The following MMP16 variants were observed in gnomAD, a reference collection of about 807,000 sequenced individuals.
MMP16 encodes matrix metallopeptidase 16, also known as matrix metalloproteinase-16.
Under a neutral mutation model 67.8 loss-of-function variants are expected in MMP16, and 12 were observed. The ratio of observed to expected loss-of-function variants is 0.18; its 90% CI spans 0.11 to 0.29. The LOEUF is 0.29. Ranked by LOEUF, MMP16 falls within the 10% of genes least tolerant of loss-of-function variation. The probability of loss-of-function intolerance (pLI) is 1.00; values close to 1 mark genes in which losing one functional copy is unlikely to be tolerated. For missense variants in MMP16, 475 were observed against 765.7 expected (o/e 0.62, Z 4.48); for synonymous variants, 249 against 255.9 (o/e 0.97, Z 0.26).
intron 4 of MMP16, among the ~76,000 whole-genome samples, chr8:88,163,149 T>A (rs79363493): frequency 0.037 from 5,639 of 152,094 alleles, 159 homozygotes; most frequent in Middle Eastern, 0.068. Flanking sequence ...ACAGGTGTTT[T>A]CTGTAGTATG....
intron 1 of MMP16, among the ~76,000 whole-genome samples, chr8:88,319,205 A>G (rs1203871346): frequency 1.3e-5 from 2 of 152,148 alleles, no homozygotes; most frequent in Non-Finnish European, 2.9e-5. Context: ...AGGAATACCC[A>G]AACCTCCAAA....
chr8:88,155,839 G>T (rs1808500625), intron 4 of MMP16, among the ~76,000 whole-genome samples: 1 of 152,002 alleles, frequency 6.6e-6, no homozygotes, highest in South Asian at 2.1e-4. Flanking sequence ...AATACTTTCA[G>T]TGACAGCCTT....
intron 6 of MMP16, among the ~76,000 whole-genome samples, chr8:88,088,062 TA>T (rs1397305805): frequency 2.0e-5 from 2 of 100,086 alleles, no homozygotes; most frequent in Non-Finnish European, 3.8e-5. Context: ...TATATCTATA[TA>T]TAATAGATAT....
chr8:88,092,993 T>C (rs1304949059), intron 6 of MMP16, among the ~76,000 whole-genome samples: 1 of 151,864 alleles, frequency 6.6e-6, no homozygotes, highest in Non-Finnish European at 1.5e-5. Flanking sequence ...TAATTCTTCT[T>C]AAATATTTCC....
At chr8:88,057,986 G>GA (rs1409760089) in intron 7 of MMP16, among the ~76,000 whole-genome samples, 2 of 151,702 alleles carry the variant, frequency 1.3e-5, no homozygotes, top group Non-Finnish European at 2.9e-5. Flanking sequence ...AGAGGTTGAG[G>GA]AAAAAAATAA....
Position 88,151,775 on chromosome 8 carries a change from T to C in MMP16, c.709+15894A>G, listed in dbSNP as rs865777891. Among the ~76,000 whole-genome samples, 1,484 of 150,354 alleles carry C rather than the reference T, an allele frequency of 9.9e-3. 13 individuals carry two copies. Among genetic ancestry groups the C allele is most frequent in the Middle Eastern group, 0.017 (5 of 294 alleles). On this transcript the variant is annotated intron_variant, in intron 4 of 9. Transcript: ENST00000286614. ...GAGAGAAAGCAGGAAAGATCCAAAA[T>C]TGACACCCTAACATCACAATTAAAA...
rs374680822 is a variant in MMP16 at position 88,289,109 on chromosome 8, A to AAGAGAC, written c.132+37960_132+37965dup. ...TTTGAATCAGATGGTACAGCCCAGA[A>AAGAGAC]AGAGACAGAGACAGAGACAGAGACA... On this transcript the variant is annotated intron_variant, in intron 1 of 9. Coordinates refer to ENST00000286614, the MANE Select transcript of MMP16 (RefSeq NM_005941.5). 2.7e-3 allele frequency among the ~76,000 whole-genome samples: 413 copies of AAGAGAC among 152,120 alleles called. 4 individuals are homozygous for AAGAGAC. In the Middle Eastern group the frequency reaches 0.031, roughly 11 times the overall value.
chr8:88,239,864 C>G (rs1292726713), intron 1 of MMP16, among the ~76,000 whole-genome samples: 1 of 152,132 alleles, frequency 6.6e-6, no homozygotes, highest in Non-Finnish European at 1.5e-5. Context: ...AATATAAGAA[C>G]TAATATGCTC....
chr8:88,266,057 G>T (rs1020807392), intron 1 of MMP16, among the ~76,000 whole-genome samples: 1 of 152,144 alleles, frequency 6.6e-6, no homozygotes, highest in Non-Finnish European at 1.5e-5. Flanking sequence ...ATTCTGCAAG[G>T]GACATGATTC....
chr8:88,048,858 T>C (rs1808232492), intron 8 of MMP16, among the ~76,000 whole-genome samples: 1 of 152,218 alleles, frequency 6.6e-6, no homozygotes, highest in Non-Finnish European at 1.5e-5. Flanking sequence ...AAAATAAGTA[T>C]TTTCTAGTTT....
intron 1 of MMP16, among the ~76,000 whole-genome samples, chr8:88,275,784 A>G (rs1339879820): frequency 2.0e-5 from 3 of 152,054 alleles, no homozygotes; most frequent in Admixed American, 2.0e-4. Context: ...TAACAATCCC[A>G]GAGAACACTG....
At chr8:88,230,797 T>C (rs2129872205) in intron 1 of MMP16, among the ~76,000 whole-genome samples, 1 of 152,204 alleles carries the variant, frequency 6.6e-6, no homozygotes, top group South Asian at 2.1e-4. Context: ...ACAAGCTACA[T>C]GGTTTTTCTT....
At chr8:88,095,361 G>T (rs1192424357) in intron 6 of MMP16, among the ~76,000 whole-genome samples, 1 of 151,574 alleles carries the variant, frequency 6.6e-6, no homozygotes, top group Non-Finnish European at 1.5e-5. Context: ...CTGGATTCTG[G>T]TTTTGACTCC....
intron 7 of MMP16, chr8:88,069,394 C>T: frequency 2.0e-6 from 1 of 495,812 alleles, no homozygotes; most frequent in Non-Finnish European, 4.1e-6. Flanking sequence ...GAAGATAATT[C>T]TTCATAGGTC....
chr8:88,178,582 G>C (rs1221732468), intron 3 of MMP16, among the ~76,000 whole-genome samples: 1 of 152,020 alleles, frequency 6.6e-6, no homozygotes, highest in African/African-American at 2.4e-5. Context: ...TCTGTTTATT[G>C]TTAAGATTTT....
At chr8:88,167,061 A>C (rs1808726320) in intron 4 of MMP16, among the ~76,000 whole-genome samples, 1 of 151,902 alleles carries the variant, frequency 6.6e-6, no homozygotes, top group Non-Finnish European at 1.5e-5. Context: ...AAAATACAAA[A>C]ATTAGCTGGG....
chr8:88,265,913 G>A (rs920878340), intron 1 of MMP16, among the ~76,000 whole-genome samples: 1 of 152,162 alleles, frequency 6.6e-6, no homozygotes, highest in Non-Finnish European at 1.5e-5. Flanking sequence ...GGAGTTGAAT[G>A]GCCTAGTAAT....
intron 1 of MMP16, among the ~76,000 whole-genome samples, chr8:88,247,564 G>C (rs1810133697): frequency 6.6e-6 from 1 of 151,828 alleles, no homozygotes; most frequent in Non-Finnish European, 1.5e-5. Context: ...GAGGCTCGAG[G>C]GTTCACTGTT....
At chr8:88,291,006 C>A (rs960644597) in intron 1 of MMP16, among the ~76,000 whole-genome samples, 1 of 152,094 alleles carries the variant, frequency 6.6e-6, no homozygotes, top group African/African-American at 2.4e-5. Flanking sequence ...AAGGGCCAGG[C>A]GTGGTGACTC....
Sources: allele counts gnomAD v4.1 joint callset (sites outside exome capture counted in the v4.1 genomes callset), GRCh38; gene constraint gnomAD v4.1.1; transcripts MANE v1.5; gene names NCBI Gene and HGNC (gene_info 2026-07-23, HGNC 2026-07-21).